LYG1: variants seen among roughly 807,000 people sequenced by gnomAD.
LYG1 encodes lysozyme g1.
Under a neutral mutation model 21.7 loss-of-function variants are expected in LYG1, and 17 were observed. The ratio of observed to expected loss-of-function variants is 0.78; its 90% CI spans 0.54 to 1.18. The LOEUF (loss-of-function observed/expected upper bound fraction) is 1.18. LYG1 is among the 50% of genes most tolerant of loss of function. The pLI, the probability that LYG1 is intolerant of heterozygous loss-of-function variation, is 0.00. For missense variants in LYG1, 211 were observed against 238.1 expected, an observed-to-expected ratio of 0.89 and a Z score of 0.75; for synonymous variants, 81 against 87.4, an observed-to-expected ratio of 0.93 and a Z score of 0.41.
chr2:99,289,482 A>G (rs2094112312), intron 5 of LYG1, among the ~76,000 whole-genome samples: 1 of 151,786 alleles, frequency 6.6e-6, no homozygotes, highest in African/African-American at 2.4e-5. Context: ...TGTTAAGATG[A>G]TAGATCTCAT....
chr2:99,290,017 G>A (rs1359828829), intron 5 of LYG1, among the ~76,000 whole-genome samples: 1 of 151,880 alleles, frequency 6.6e-6, no homozygotes, highest in East Asian at 1.9e-4. Flanking sequence ...CACCACCATG[G>A]CCAGCTAATT....
At chr2:99,284,895 G>C (rs940058158) in intron 5 of LYG1, 75 bp from the exon 6 acceptor site, 1 of 1,549,726 alleles carries the variant, frequency 6.5e-7, no homozygotes, top group African/African-American at 1.4e-5. Flanking sequence ...GCTCAATGGC[G>C]CTTGTTCATT....
At chr2:99,302,736 C>T (rs933049836), upstream of LYG1, among the ~76,000 whole-genome samples, 6 of 152,092 alleles carry the variant, frequency 3.9e-5, no homozygotes, top group Non-Finnish European at 2.9e-5. Context: ...TTGTTATTCT[C>T]AGCCGGGCAC....
intron 1 of LYG1, among the ~76,000 whole-genome samples, chr2:99,299,305 G>A (rs1201312210): frequency 7.5e-6 from 1 of 133,650 alleles, no homozygotes; most frequent in Non-Finnish European, 1.6e-5. Flanking sequence ...TTTTTTAATC[G>A]AGACAAGGTC....
At chr2:99,299,533 T>C (rs1224682957) in intron 1 of LYG1, among the ~76,000 whole-genome samples, 1 of 151,374 alleles carries the variant, frequency 6.6e-6, no homozygotes, top group East Asian at 1.9e-4. Context: ...CAGGTGATTC[T>C]CCTGCCTCAG....
At chr2:99,290,936 A>G (rs893368128) in intron 5 of LYG1, among the ~76,000 whole-genome samples, 2 of 152,198 alleles carry the variant, frequency 1.3e-5, no homozygotes, top group Admixed American at 6.5e-5. Flanking sequence ...TGTGGCTACA[A>G]AGTAACTGAG....
intron 5 of LYG1, among the ~76,000 whole-genome samples, chr2:99,285,105 T>A (rs1397733912): frequency 6.6e-6 from 1 of 152,218 alleles, no homozygotes; most frequent in Non-Finnish European, 1.5e-5. Context: ...CTTATGCCTG[T>A]GATCCCAGCA....
chr2:99,295,844 G>GA (rs11289179), intron 2 of LYG1, 142 bp from the exon 3 acceptor site: 19 of 751,718 alleles, frequency 2.5e-5, no homozygotes, highest in Non-Finnish European at 3.5e-5. Flanking sequence ...GAATCATAGT[G>GA]AAAAAAAAGC....
At chr2:99,292,752 C>A in intron 3 of LYG1, 112 bp from the exon 4 acceptor site, 1 of 679,432 alleles carries the variant, frequency 1.5e-6, no homozygotes, top group Non-Finnish European at 2.6e-6. Context: ...CATTACATCA[C>A]CTTCACTCTG....
At chr2:99,293,804 G>A (rs762417719) in intron 3 of LYG1, among the ~76,000 whole-genome samples, 1 of 151,948 alleles carries the variant, frequency 6.6e-6, no homozygotes, top group Non-Finnish European at 1.5e-5. Flanking sequence ...ACCAGAATGG[G>A]GACACATGAG....
At chr2:99,301,327 G>T (rs2094153252), upstream of LYG1, among the ~76,000 whole-genome samples, 1 of 150,900 alleles carries the variant, frequency 6.6e-6, no homozygotes, top group Non-Finnish European at 1.5e-5. Flanking sequence ...ACACATTGAG[G>T]TCCAACACTT....
In LYG1 at chr2:99,291,250, G is replaced by T; in HGVS notation, c.320C>A (p.Thr107Asn). Reference protein sequence around the residue: ...DKILVNMGDRTSMVQDPGSQA... With the variant: ...DKILVNMGDRNSMVQDPGSQA... ...ATGAAGAGTTACCTGCACCATGCTA[G>T]TCCTATCGCCCATGTTGACCAGAAT... is the stretch of plus-strand genomic sequence containing the variant. The change falls in exon 5 of 7, where the codon ACT becomes AAT. Residue 107 changes from threonine to asparagine, a missense_variant. By Grantham distance (65) the Thr-to-Asn change is moderately conservative (BLOSUM62 0). Coordinates refer to ENST00000308528, the MANE Select transcript of LYG1 (RefSeq NM_174898.3). 1 of 1,614,134 alleles carries T rather than the reference G, an allele frequency of 6.2e-7. No homozygotes were observed. Among genetic ancestry groups the T allele is most frequent in the Non-Finnish European group, 8.5e-7 (1 of 1,180,016 alleles).
intron 3 of LYG1, among the ~76,000 whole-genome samples, chr2:99,293,511 G>A (rs1459134080): frequency 1.3e-5 from 2 of 152,208 alleles, no homozygotes; most frequent in African/African-American, 2.4e-5. Flanking sequence ...GCCTAAGGCT[G>A]CAGAAGGGAG....
intron 5 of LYG1, 76 bp from the exon 6 acceptor site, chr2:99,284,896 C>CTTGTTCA: frequency 6.4e-7 from 1 of 1,551,100 alleles, no homozygotes; most frequent in Admixed American, 1.9e-5. Context: ...CTCAATGGCG[C>CTTGTTCA]TTGTTCATTT....
chr2:99,299,214 AC>A (rs1559224751), intron 1 of LYG1, among the ~76,000 whole-genome samples: 1 of 150,074 alleles, frequency 6.7e-6, no homozygotes, highest in African/African-American at 2.5e-5. Context: ...GGCATGAGCC[AC>A]CGCGCCCAGC....
chr2:99,299,886 T>C (rs1043162835), intron 1 of LYG1, among the ~76,000 whole-genome samples: 3 of 151,868 alleles, frequency 2.0e-5, no homozygotes, highest in Non-Finnish European at 4.4e-5. Context: ...CTTCTTGCTA[T>C]TCTAATCTTC....
intron 1 of LYG1, among the ~76,000 whole-genome samples, chr2:99,299,861 T>C (rs2094149089): frequency 6.6e-6 from 1 of 151,966 alleles, no homozygotes. Flanking sequence ...AGTAGCATCA[T>C]GTCGTACTCA....
intron 5 of LYG1, among the ~76,000 whole-genome samples, chr2:99,289,456 A>G (rs966035042): frequency 3.6e-4 from 2 of 5,590 alleles, no homozygotes; most frequent in African/African-American, 5.6e-4. Flanking sequence ...ACCCTGTCTT[A>G]AAAAAAAAAA....
At chr2:99,302,432 A>G (rs2094157382), upstream of LYG1, among the ~76,000 whole-genome samples, 2 of 152,042 alleles carry the variant, frequency 1.3e-5, no homozygotes, top group East Asian at 1.9e-4. Flanking sequence ...AATTCCTACA[A>G]CCTCACCCAG....
Sources: gnomAD v4.1 joint callset for allele counts (sites outside exome capture counted in the v4.1 genomes callset) on GRCh38, gnomAD v4.1.1 for gene constraint, MANE v1.5 for transcripts, NCBI Gene and HGNC (gene_info 2026-07-23, HGNC 2026-07-21) for gene names.